Variants in ENTREP2 observed in about 807,000 individuals in gnomAD.
ENTREP2 encodes the protein protein ENTREP2.
At chr15:29,179,721 C>T in the ENTREP2 span, among the ~76,000 whole-genome samples, 1 of 150,928 alleles carries the variant, frequency 6.6e-6, no homozygotes, top group Non-Finnish European at 1.5e-5. Flanking sequence ...GCTGGGACTA[C>T]AGGCGCCCGC....
chr15:29,210,524 CT>C, the ENTREP2 span, among the ~76,000 whole-genome samples: 1 of 152,216 alleles, frequency 6.6e-6, no homozygotes, highest in Non-Finnish European at 1.5e-5. Flanking sequence ...AGCGCGATTC[CT>C]ATTGTGAACT....
At chr15:29,654,810 T>C in the ENTREP2 span, among the ~76,000 whole-genome samples, 1 of 152,194 alleles carries the variant, frequency 6.6e-6, no homozygotes, top group Non-Finnish European at 1.5e-5. Context: ...CAAGGTGATA[T>C]TTGTGTCCTG....
chr15:29,656,855 C>T, the ENTREP2 span, among the ~76,000 whole-genome samples: 1 of 152,176 alleles, frequency 6.6e-6, no homozygotes, highest in African/African-American at 2.4e-5. Flanking sequence ...AGGTATTACC[C>T]AAGTGAACTG....
chr15:29,535,109 G>A, the ENTREP2 span, among the ~76,000 whole-genome samples: 2 of 152,052 alleles, frequency 1.3e-5, no homozygotes, highest in African/African-American at 2.4e-5. Context: ...AACTAGCCGG[G>A]CATGGTGGGG....
chr15:29,165,426 C>T, the ENTREP2 span, among the ~76,000 whole-genome samples: 1 of 152,098 alleles, frequency 6.6e-6, no homozygotes, highest in South Asian at 2.1e-4. Context: ...AACTGATAGA[C>T]CATTAGTAAG....
chr15:29,470,735 A>C, the ENTREP2 span, among the ~76,000 whole-genome samples: 1 of 152,342 alleles, frequency 6.6e-6, no homozygotes, highest in African/African-American at 2.4e-5. Flanking sequence ...TCTGCCTTCA[A>C]GACGTCTGAC....
chr15:29,295,045 G>A, the ENTREP2 span, among the ~76,000 whole-genome samples: 1 of 152,244 alleles, frequency 6.6e-6, no homozygotes, highest in Non-Finnish European at 1.5e-5. Flanking sequence ...CATCGGGAGG[G>A]AGAAAACAGG....
At chr15:29,607,735 A>G in the ENTREP2 span, among the ~76,000 whole-genome samples, 120 of 152,300 alleles carry the variant, frequency 7.9e-4, no homozygotes, top group African/African-American at 2.8e-3. Flanking sequence ...TGTGAAATCA[A>G]GTTTTCCTAA....
the ENTREP2 span, among the ~76,000 whole-genome samples, chr15:29,575,941 A>G: frequency 1.3e-5 from 2 of 152,220 alleles, no homozygotes; most frequent in Non-Finnish European, 2.9e-5. Flanking sequence ...AGCAATCCCT[A>G]TCAAAACTCC....
At chr15:29,357,684 A>C in the ENTREP2 span, among the ~76,000 whole-genome samples, 2 of 151,784 alleles carry the variant, frequency 1.3e-5, no homozygotes, top group Admixed American at 6.6e-5. Context: ...AAAAAATACA[A>C]AAAAATTAGC....
the ENTREP2 span, among the ~76,000 whole-genome samples, chr15:29,319,244 G>C: frequency 5.3e-5 from 8 of 152,264 alleles, no homozygotes; most frequent in Middle Eastern, 3.4e-3. Context: ...AAACTCTTGG[G>C]TTTTCACATT....
chr15:29,368,002 CAAA>C, the ENTREP2 span, among the ~76,000 whole-genome samples: 12 of 98,994 alleles, frequency 1.2e-4, no homozygotes, highest in Admixed American at 2.3e-4. Flanking sequence ...CATATTCAGG[CAAA>C]AAAAAAAAAA....
chr15:29,561,467 C>T, the ENTREP2 span, among the ~76,000 whole-genome samples: 2 of 152,062 alleles, frequency 1.3e-5, no homozygotes, highest in African/African-American at 4.8e-5. Context: ...GCAGGCCGAT[C>T]ACGAGGTCAG....
At chr15:29,350,261 G>A in the ENTREP2 span, among the ~76,000 whole-genome samples, 1 of 152,028 alleles carries the variant, frequency 6.6e-6, no homozygotes, top group Non-Finnish European at 1.5e-5. Context: ...TATAAATTAA[G>A]CCATCTCATC....
chr15:29,390,597 T>C, the ENTREP2 span, among the ~76,000 whole-genome samples: 1 of 152,170 alleles, frequency 6.6e-6, no homozygotes, highest in African/African-American at 2.4e-5. Context: ...CTTCCTGCTG[T>C]TGAGGCTGAT....
At chr15:29,187,819 A>G in the ENTREP2 span, among the ~76,000 whole-genome samples, 3 of 152,252 alleles carry the variant, frequency 2.0e-5, no homozygotes, top group Non-Finnish European at 2.9e-5. Flanking sequence ...AGGCCAGGTC[A>G]GGCTGGTGAC....
At chr15:29,402,513 GT>G in the ENTREP2 span, among the ~76,000 whole-genome samples, 17 of 152,184 alleles carry the variant, frequency 1.1e-4, no homozygotes, top group African/African-American at 3.6e-4. Context: ...GTTTCACTAT[GT>G]TGCCCAGGCT....
At chr15:29,254,475 T>C in the ENTREP2 span, among the ~76,000 whole-genome samples, 1 of 152,206 alleles carries the variant, frequency 6.6e-6, no homozygotes, top group South Asian at 2.1e-4. Context: ...AGTGTTTGAA[T>C]TAACCTTTGA....
At chr15:29,562,515 A>G in the ENTREP2 span, among the ~76,000 whole-genome samples, 2 of 152,238 alleles carry the variant, frequency 1.3e-5, no homozygotes, top group South Asian at 2.1e-4. Context: ...GGTAAATGCA[A>G]TAACATGTTT....
Sources: gnomAD v4.1 joint callset for allele counts (sites outside exome capture counted in the v4.1 genomes callset) on GRCh38, gnomAD v4.1.1 for gene constraint, MANE v1.5 for transcripts, NCBI Gene and HGNC (gene_info 2026-07-23, HGNC 2026-07-21) for gene names.